SMARCC1: variants seen among roughly 807,000 people sequenced by gnomAD.
SMARCC1 encodes SWI/SNF complex subunit SMARCC1.
SMARCC1 carries 43 observed loss-of-function variants against 147.4 expected under a neutral mutation model. The ratio of observed to expected loss-of-function variants is 0.29; its 90% CI spans 0.23 to 0.38. SMARCC1 has a LOEUF of 0.38. Ranked by LOEUF, SMARCC1 falls within the 10% of genes least tolerant of loss-of-function variation. The pLI, the probability that SMARCC1 is intolerant of heterozygous loss-of-function variation, is 1.00. For missense variants in SMARCC1, 1,119 were observed against 1,381.1 expected (o/e 0.81, Z 3.01); for synonymous variants, 495 against 484.4 (o/e 1.02, Z -0.29).
In SMARCC1 at chr3:47,773,823, G is replaced by A. The variant is rs1355841422; in HGVS notation, c.196-887C>T. Among the ~76,000 whole-genome samples, 4 of 151,872 alleles carry A rather than the reference G, an allele frequency of 2.6e-5. No homozygotes were observed. The East Asian group carries it at 7.7e-4, about 29-fold the overall frequency. On this transcript the variant is annotated intron_variant, in intron 1 of 27. Transcript: ENST00000254480. ...TTTTGTTTGTATTTTTAGTAGAGAC[G>A]GGGTTTCACTATGTTGGCCAGGCTG...
At chr3:47,742,825 C>T (rs921121255) in intron 3 of SMARCC1, among the ~76,000 whole-genome samples, 1 of 152,126 alleles carries the variant, frequency 6.6e-6, no homozygotes, top group African/African-American at 2.4e-5. Context: ...TCAAGCAATC[C>T]GCTGACCTCA....
intron 26 of SMARCC1, chr3:47,604,145 C>T (rs768536734): frequency 1.8e-5 from 8 of 456,526 alleles, no homozygotes; most frequent in Middle Eastern, 3.2e-4. Context: ...CCTAGAAGTC[C>T]GTAAGTGTTT....
intron 6 of SMARCC1, among the ~76,000 whole-genome samples, chr3:47,721,545 C>G (rs2034233136): frequency 6.7e-6 from 1 of 149,594 alleles, no homozygotes; most frequent in Admixed American, 6.7e-5. Context: ...AAGCCCACAG[C>G]AAACAAACAA....
intron 2 of SMARCC1, among the ~76,000 whole-genome samples, chr3:47,763,263 C>A (rs907630792): frequency 2.0e-5 from 3 of 151,608 alleles, no homozygotes. Context: ...CCTCCTGCCT[C>A]AGCCTCCCAA....
At chr3:47,714,928 T>G (rs2106802984) in intron 7 of SMARCC1, among the ~76,000 whole-genome samples, 1 of 152,344 alleles carries the variant, frequency 6.6e-6, no homozygotes, top group Middle Eastern at 3.4e-3. Context: ...ACGTATATAT[T>G]GCTAAACCCG....
chr3:47,781,530 G>A, intron 1 of SMARCC1, 73 bp downstream of exon 1: 1 of 1,133,236 alleles, frequency 8.8e-7, no homozygotes, highest in Non-Finnish European at 1.2e-6. Context: ...GGCGGCCCGA[G>A]GCCCGCGAGG....
At chr3:47,652,898 C>CTTAAAA (rs2033207949) in intron 21 of SMARCC1, among the ~76,000 whole-genome samples, 1 of 151,094 alleles carries the variant, frequency 6.6e-6, no homozygotes, top group South Asian at 2.1e-4. Flanking sequence ...TGGGAAATCA[C>CTTAAAA]TTAAAATATA....
At chr3:47,685,658 A>C (rs996682850) in intron 14 of SMARCC1, among the ~76,000 whole-genome samples, 5 of 151,988 alleles carry the variant, frequency 3.3e-5, no homozygotes, top group African/African-American at 1.2e-4. Flanking sequence ...AGGAGTTCAA[A>C]ACCACCCTGG....
chr3:47,673,574 A>G (rs2033531830), intron 18 of SMARCC1, among the ~76,000 whole-genome samples: 1 of 152,108 alleles, frequency 6.6e-6, no homozygotes, highest in Non-Finnish European at 1.5e-5. Context: ...CTGTAATCCC[A>G]GCTATTTGGG....
rs1436502371 is a variant in SMARCC1, at chr3:47,781,618, G to T, written c.180C>A (p.Gly60=). ...SQLDSVRVWL[G]KHYKKYVHAD... is the part of the protein sequence containing the mutation. Reference sequence around the variant, plus strand: ...GCGAACCCACCTTCTTGTAGTGCTTGCCCAGCCAGACCCGCACCGAATCCA... The same window carrying T: ...GCGAACCCACCTTCTTGTAGTGCTTTCCCAGCCAGACCCGCACCGAATCCA... Residue 60 remains glycine, a synonymous_variant, in exon 1 of 28, where the codon GGC becomes GGA. Coordinates refer to ENST00000254480, the MANE Select transcript of SMARCC1 (RefSeq NM_003074.4). 26 of 1,548,080 alleles carry T rather than the reference G, an allele frequency of 1.7e-5. No individual in the cohort carries two copies. Among genetic ancestry groups the T allele is most frequent in the African/African-American group, 4.3e-5 (3 of 69,968 alleles).
intron 24 of SMARCC1, among the ~76,000 whole-genome samples, chr3:47,623,596 G>T (rs1450326392): frequency 6.6e-6 from 1 of 152,078 alleles, no homozygotes; most frequent in Non-Finnish European, 1.5e-5. Context: ...AAACTACAAT[G>T]AGCTACATCA....
chr3:47,650,553 T>A (rs1028464842), intron 21 of SMARCC1, among the ~76,000 whole-genome samples: 1 of 151,662 alleles, frequency 6.6e-6, no homozygotes, highest in Non-Finnish European at 1.5e-5. Context: ...CAGTGGCTCA[T>A]GACTGTAATC....
intron 2 of SMARCC1, 184 bp from the exon 3 acceptor site, chr3:47,746,177 G>A: frequency 2.2e-6 from 1 of 462,328 alleles, no homozygotes; most frequent in Admixed American, 4.2e-5. Flanking sequence ...GGCTGGGCAT[G>A]GTGGCTCATG....
At chr3:47,666,419 G>C (rs771141371) in intron 19 of SMARCC1, among the ~76,000 whole-genome samples, 5 of 150,958 alleles carry the variant, frequency 3.3e-5, no homozygotes, top group Admixed American at 6.7e-5. Context: ...ATTCCTTAAA[G>C]GTACAGATTG....
At chr3:47,691,942 G>A (rs922787601) in intron 12 of SMARCC1, among the ~76,000 whole-genome samples, 2 of 152,184 alleles carry the variant, frequency 1.3e-5, no homozygotes, top group Middle Eastern at 3.2e-3. Flanking sequence ...GGAGGTTGCA[G>A]TAACCAAGAT....
chr3:47,737,198 C>T (rs1299414789), intron 4 of SMARCC1, among the ~76,000 whole-genome samples: 2 of 152,052 alleles, frequency 1.3e-5, no homozygotes, highest in African/African-American at 4.8e-5. Context: ...TTGAGACCAG[C>T]CTGGCTAACA....
chr3:47,619,170 G>A (rs545018147), intron 25 of SMARCC1, among the ~76,000 whole-genome samples: 241 of 152,286 alleles, frequency 1.6e-3, no homozygotes, highest in African/African-American at 4.9e-3. Context: ...TGTTCCCATA[G>A]CAGCATCTGT....
chr3:47,750,535 C>T (rs2034617499), intron 2 of SMARCC1, among the ~76,000 whole-genome samples: 1 of 152,048 alleles, frequency 6.6e-6, no homozygotes, highest in Admixed American at 6.6e-5. Flanking sequence ...TCCCTAAATC[C>T]CCAGATTGGT....
In SMARCC1 at chr3:47,590,739, GGC is replaced by G. The variant is rs1363136582; in HGVS notation, c.3140_3141del (p.Gly1047AlafsTer24). Reference sequence around the variant, plus strand: ...ATTGGTGGCATGCCAGGAGGGGTAGGGCCACTCCCAGAGGGGTGGATGTTGGC... The same window carrying G: ...ATTGGTGGCATGCCAGGAGGGGTAGGCACTCCCAGAGGGGTGGATGTTGGC... ...VAANIHPSGS[G>X]PTPPGMPPMP... On this transcript the variant is annotated frameshift_variant, in exon 27 of 28. Transcript: ENST00000254480. LOFTEE classifies it high-confidence loss of function. 2 of 1,601,910 alleles carry G rather than the reference GGC, an allele frequency of 1.2e-6. No homozygotes were observed. Among genetic ancestry groups the G allele is most frequent in the Non-Finnish European group, 1.7e-6 (2 of 1,175,290 alleles).
Sources: allele counts gnomAD v4.1 joint callset (sites outside exome capture counted in the v4.1 genomes callset), GRCh38; gene constraint gnomAD v4.1.1; transcripts MANE v1.5; gene names NCBI Gene and HGNC (gene_info 2026-07-23, HGNC 2026-07-21).